Variants in AKT3 observed in about 807,000 individuals in gnomAD.
AKT3 encodes RAC-gamma serine/threonine-protein kinase.
AKT3 carries 15 observed loss-of-function variants against 65.3 expected under a neutral mutation model. That is an observed-to-expected ratio of 0.23 (90% CI 0.15 to 0.35). The LOEUF (loss-of-function observed/expected upper bound fraction) is 0.35, where lower values mean the gene tolerates loss of function less well. Among genes scored for constraint, AKT3 ranks in the 10% least tolerant of loss-of-function variants. The pLI is 1.00. For missense variants in AKT3, 243 were observed against 576.5 expected, an observed-to-expected ratio of 0.42 and a Z score of 5.92; for synonymous variants, 206 against 183.8, an observed-to-expected ratio of 1.12 and a Z score of -0.98.
At chr1:243,702,340 G>A (rs563696298) in intron 2 of AKT3, among the ~76,000 whole-genome samples, 1 of 152,246 alleles carries the variant, frequency 6.6e-6, no homozygotes, top group Non-Finnish European at 1.5e-5. Context: ...ATGGTTAAGA[G>A]CAAGGACTCT....
At chr1:243,772,600 T>A (rs961737266) in intron 2 of AKT3, among the ~76,000 whole-genome samples, 9 of 152,198 alleles carry the variant, frequency 5.9e-5, no homozygotes, top group Non-Finnish European at 1.3e-4. Flanking sequence ...CACTGTAAAC[T>A]GGTTCAACCA....
At chr1:243,584,113 C>T (rs943260303) in intron 8 of AKT3, among the ~76,000 whole-genome samples, 3 of 151,956 alleles carry the variant, frequency 2.0e-5, no homozygotes, top group African/African-American at 4.8e-5. Context: ...TATAAATAAC[C>T]ACAATTAGAA....
intron 10 of AKT3, 66 bp from the exon 11 acceptor site, chr1:243,553,009 C>T (rs1207543891): frequency 7.1e-6 from 9 of 1,271,422 alleles, no homozygotes; most frequent in Non-Finnish European, 9.8e-6. Context: ...ATTCATAAAA[C>T]ATAAGATTTT....
chr1:243,732,356 T>C (rs578106147), intron 2 of AKT3, among the ~76,000 whole-genome samples: 1 of 152,334 alleles, frequency 6.6e-6, no homozygotes, highest in Admixed American at 6.5e-5. Context: ...ATTAAAAAGC[T>C]TCTCCACTCC....
At chr1:243,684,734 C>G (rs973539662) in intron 3 of AKT3, among the ~76,000 whole-genome samples, 1 of 152,196 alleles carries the variant, frequency 6.6e-6, no homozygotes, top group Non-Finnish European at 1.5e-5. Flanking sequence ...AATCGCCACA[C>G]TGTCTTCCAC....
At chr1:243,641,844 G>A (rs1448623388) in intron 5 of AKT3, among the ~76,000 whole-genome samples, 1 of 152,098 alleles carries the variant, frequency 6.6e-6, no homozygotes, top group Admixed American at 6.5e-5. Flanking sequence ...GCTGAGTTGG[G>A]AGAATTACCT....
Position 243,778,049 on chromosome 1 carries a change from T to G in AKT3, c.46+65076A>C, listed in dbSNP as rs375373309. ...CATCTTTAAGATTCATTTCAAAGAC[T>G]GGCTTCCTTTAAAAGTATGACCTTG... On this transcript the variant is annotated intron_variant, in intron 2 of 13. Transcript: ENST00000673466. 4.6e-5 allele frequency among the ~76,000 whole-genome samples: 7 copies of G among 152,312 alleles called. No homozygotes were observed. In the South Asian group the frequency reaches 1.5e-3, roughly 32 times the overall value.
At chr1:243,639,264 C>T (rs1016575627) in intron 5 of AKT3, among the ~76,000 whole-genome samples, 1 of 152,090 alleles carries the variant, frequency 6.6e-6, no homozygotes, top group African/African-American at 2.4e-5. Flanking sequence ...AAGAAAACTC[C>T]AGGCCCAGAT....
At chr1:243,658,944 A>T (rs1682043037) in intron 4 of AKT3, among the ~76,000 whole-genome samples, 1 of 151,618 alleles carries the variant, frequency 6.6e-6, no homozygotes, top group East Asian at 1.9e-4. Context: ...AGCTGGGAGG[A>T]TCCCTTGGGC....
intron 2 of AKT3, among the ~76,000 whole-genome samples, chr1:243,814,927 G>C (rs1693412196): frequency 2.0e-5 from 3 of 152,196 alleles, no homozygotes; most frequent in Non-Finnish European, 4.4e-5. Context: ...AATCCAGCAG[G>C]TGTTTTGAGG....
intron 8 of AKT3, among the ~76,000 whole-genome samples, chr1:243,598,082 T>C (rs1676749011): frequency 6.6e-6 from 1 of 152,084 alleles, no homozygotes; most frequent in African/African-American, 2.4e-5. Context: ...CATAGGAAAA[T>C]GAGAAAATTA....
At chr1:243,712,969 G>T (rs892193221) in intron 2 of AKT3, among the ~76,000 whole-genome samples, 1 of 152,140 alleles carries the variant, frequency 6.6e-6, no homozygotes, top group Admixed American at 6.6e-5. Flanking sequence ...AGTATGTACT[G>T]ATCAAAAAGG....
Position 243,697,548 on chromosome 1 carries a change from T to C in AKT3, c.47-1832A>G, listed in dbSNP as rs573524228. 3.0e-4 allele frequency among the ~76,000 whole-genome samples: 45 copies of C among 152,222 alleles called. No homozygotes were observed. In the South Asian group the frequency reaches 7.9e-3, roughly 27 times the overall value. ...TTCTGTACTATTATGTGAAAATCCA[T>C]TGATCTATACTGGACTTTGAATGAA... On this transcript the variant is annotated intron_variant, in intron 2 of 13. Coordinates refer to ENST00000673466, the MANE Select transcript of AKT3 (RefSeq NM_005465.7).
chr1:243,585,168 A>G (rs1472764662), intron 8 of AKT3, among the ~76,000 whole-genome samples: 1 of 152,174 alleles, frequency 6.6e-6, no homozygotes, highest in African/African-American at 2.4e-5. Context: ...CCAGGAATAC[A>G]TCTAACCAAG....
At chr1:243,611,249 C>T (rs1305817145) in intron 8 of AKT3, among the ~76,000 whole-genome samples, 1 of 152,194 alleles carries the variant, frequency 6.6e-6, no homozygotes, top group Non-Finnish European at 1.5e-5. Flanking sequence ...TTACGAAAAA[C>T]TGTTTCAAAA....
chr1:243,708,458 A>G (rs1485962106), intron 2 of AKT3, among the ~76,000 whole-genome samples: 1 of 152,004 alleles, frequency 6.6e-6, no homozygotes, highest in Admixed American at 6.5e-5. Flanking sequence ...TCATACTAAT[A>G]AAAACAAATT....
At chr1:243,656,569 G>A (rs1273310283) in intron 4 of AKT3, among the ~76,000 whole-genome samples, 6 of 152,300 alleles carry the variant, frequency 3.9e-5, no homozygotes, top group Middle Eastern at 6.8e-3. Flanking sequence ...AAATGAATTG[G>A]TACTTACCAG....
chr1:243,531,341 C>T (rs1416125217), intron 12 of AKT3, among the ~76,000 whole-genome samples: 2 of 152,178 alleles, frequency 1.3e-5, no homozygotes, highest in African/African-American at 2.4e-5. Context: ...CTTGGCCTCC[C>T]AAAATGCTGG....
intron 2 of AKT3, among the ~76,000 whole-genome samples, chr1:243,708,620 G>C (rs12140040): frequency 6.6e-5 from 10 of 151,802 alleles, no homozygotes; most frequent in Non-Finnish European, 4.4e-5. Flanking sequence ...CATCAGGAAG[G>C]AAAATGCATG....
Sources: gnomAD v4.1 joint callset for allele counts (sites outside exome capture counted in the v4.1 genomes callset) on GRCh38, gnomAD v4.1.1 for gene constraint, MANE v1.5 for transcripts, NCBI Gene and HGNC (gene_info 2026-07-23, HGNC 2026-07-21) for gene names.